CDKN2B-AS1: variants seen among roughly 807,000 people sequenced by gnomAD.
CDKN2B-AS1 encodes the protein CDKN2B antisense RNA 1 (non-protein coding).
intron 4 of CDKN2B-AS1, among the ~76,000 whole-genome samples, chr9:22,114,058 T>C (rs1825872621): frequency 6.6e-6 from 1 of 152,204 alleles, no homozygotes; most frequent in Admixed American, 6.5e-5. Flanking sequence ...ATATACATGG[T>C]ACCAAAAACA....
At chr9:22,122,858 A>C (rs1014074092) in intron 4 of CDKN2B-AS1, among the ~76,000 whole-genome samples, 5 of 152,124 alleles carry the variant, frequency 3.3e-5, no homozygotes, top group African/African-American at 1.2e-4. Context: ...CTTTTTGCTT[A>C]GGATTGCTTT....
Position 22,048,274 on chromosome 9 carries a change from T to C in CDKN2B-AS1, n.180-832T>C, listed in dbSNP as rs192834981. ...CTAAGGTGGATGCTGGTATGAAATA[T>C]CTCAGCTGGGGCAGGCTCTGAAAGG... is the stretch of plus-strand genomic sequence containing the variant. On this transcript the variant is annotated intron_variant and non_coding_transcript_variant, in intron 2 of 4. Coordinates refer to ENST00000650946, the Ensembl canonical transcript of CDKN2B-AS1. Among the ~76,000 whole-genome samples the C allele has an allele frequency of 2.0e-5, 3 of 152,250 alleles. No homozygotes were observed. The East Asian group carries it at 5.8e-4, about 29-fold the overall frequency.
chr9:22,014,958 C>A (rs981153113), intron 1 of CDKN2B-AS1, among the ~76,000 whole-genome samples: 1 of 152,042 alleles, frequency 6.6e-6, no homozygotes, highest in Non-Finnish European at 1.5e-5. Context: ...TTTATGACTG[C>A]ATAGTATTCC....
intron 4 of CDKN2B-AS1, among the ~76,000 whole-genome samples, chr9:22,081,903 C>A (rs542667957): frequency 1.3e-5 from 2 of 152,152 alleles, no homozygotes; most frequent in African/African-American, 4.8e-5. Context: ...TGTATTTTCC[C>A]AGGAGTTTTT....
At chr9:22,064,819 T>C (rs893789491) in intron 4 of CDKN2B-AS1, among the ~76,000 whole-genome samples, 1 of 152,184 alleles carries the variant, frequency 6.6e-6, no homozygotes, top group Non-Finnish European at 1.5e-5. Context: ...TAACATCTCA[T>C]TTCTAGCCTA....
intron 4 of CDKN2B-AS1, among the ~76,000 whole-genome samples, chr9:22,106,525 C>G (rs186952010): frequency 6.6e-6 from 1 of 152,266 alleles, no homozygotes; most frequent in East Asian, 1.9e-4. Flanking sequence ...CCCAAGTTGT[C>G]TGACTCTTAA....
chr9:22,102,931 T>C (rs1397397461), intron 4 of CDKN2B-AS1, among the ~76,000 whole-genome samples: 1 of 152,102 alleles, frequency 6.6e-6, no homozygotes, highest in African/African-American at 2.4e-5. Context: ...GATTATAGAC[T>C]ATTAAGGTGG....
intron 4 of CDKN2B-AS1, among the ~76,000 whole-genome samples, chr9:22,062,886 G>T (rs1222467769): frequency 1.3e-5 from 2 of 151,862 alleles, no homozygotes; most frequent in Non-Finnish European, 2.9e-5. Context: ...AGGGGGCAAA[G>T]TTGACTACCT....
intron 4 of CDKN2B-AS1, among the ~76,000 whole-genome samples, chr9:22,109,155 A>G (rs1471091856): frequency 3.3e-5 from 5 of 152,214 alleles, no homozygotes; most frequent in African/African-American, 7.2e-5. Context: ...AAGGAATGAA[A>G]GTGTTTTGCA....
chr9:22,087,566 T>G (rs1476393666), intron 4 of CDKN2B-AS1, among the ~76,000 whole-genome samples: 1 of 152,222 alleles, frequency 6.6e-6, no homozygotes, highest in Non-Finnish European at 1.5e-5. Flanking sequence ...TAGTGGAAAT[T>G]TCTATTGCTG....
intron 1 of CDKN2B-AS1, chr9:22,008,557 T>G: frequency 9.3e-7 from 1 of 1,076,920 alleles, no homozygotes. Flanking sequence ...TCCTTGCATC[T>G]CTGATCATGA....
At chr9:22,105,787 T>C (rs1368697428) in intron 4 of CDKN2B-AS1, among the ~76,000 whole-genome samples, 1 of 152,202 alleles carries the variant, frequency 6.6e-6, no homozygotes, top group East Asian at 1.9e-4. Context: ...GAAAATCAAG[T>C]GTGATAAAGA....
In CDKN2B-AS1 at chr9:22,105,948, T is replaced by C. The variant is rs72652497; in HGVS notation, n.439-21155T>C. ...GTCAGTCTGGGAGACTCCAGCTCTG[T>C]CGCCCAGGCCGGAGTGCAATGGCAC... On this transcript the variant is annotated intron_variant and non_coding_transcript_variant, in intron 4 of 4. Coordinates refer to ENST00000650946, the Ensembl canonical transcript of CDKN2B-AS1. Among the ~76,000 whole-genome samples the C allele has an allele frequency of 2.6e-3, 390 of 152,356 alleles. 1 individual carries two copies. The highest frequency in any genetic ancestry group is 4.3e-3 in the Non-Finnish European group (294 of 68,032).
chr9:22,099,449 T>G (rs73438868), intron 4 of CDKN2B-AS1, among the ~76,000 whole-genome samples: 1,854 of 152,282 alleles, frequency 0.012, 40 homozygotes, highest in African/African-American at 0.043. Context: ...AGAAACTGTT[T>G]GGGAGACTGT....
At chr9:22,030,949 T>C (rs1303493036) in intron 1 of CDKN2B-AS1, 1 of 152,116 alleles carries the variant, frequency 6.6e-6, no homozygotes, top group Non-Finnish European at 1.5e-5. Context: ...TTTCACCAGG[T>C]GTAGTTAGGT....
intron 1 of CDKN2B-AS1, among the ~76,000 whole-genome samples, chr9:22,020,629 A>C (rs1009610712): frequency 1.3e-5 from 2 of 152,198 alleles, no homozygotes; most frequent in Non-Finnish European, 2.9e-5. Context: ...TCTAATGATC[A>C]GTGATGTTGA....
chr9:21,995,256 C>T lies in CDKN2B-AS1; in HGVS notation n.29+95C>T, dbSNP rs1182038674. ...GCCGAGGGCGCCTGGCTGGGACAAGCACCGAGTCCTTTGTGTCTAGCCCAT... is the reference window on the plus strand; with the variant it reads ...GCCGAGGGCGCCTGGCTGGGACAAGTACCGAGTCCTTTGTGTCTAGCCCAT... On this transcript the variant is annotated intron_variant and non_coding_transcript_variant, in intron 1 of 4. Transcript: ENST00000650946. The surrounding 1 kb of genome is among the most constrained non-coding windows in gnomAD (Gnocchi z 5.7). 6.6e-6 allele frequency: 1 copy of T among 152,284 alleles called. No individual in the cohort carries two copies. Among genetic ancestry groups the T allele is most frequent in the African/African-American group, 2.4e-5 (1 of 41,466 alleles). 9.4% of individuals were successfully genotyped at this position (152,284 alleles called of 1,614,324 possible).
intron 4 of CDKN2B-AS1, among the ~76,000 whole-genome samples, chr9:22,063,486 T>A (rs955713497): frequency 3.9e-5 from 6 of 151,912 alleles, no homozygotes; most frequent in Non-Finnish European, 5.9e-5. Context: ...ATTGAAGAGA[T>A]TAATTGAGGA....
Position 21,999,451 on chromosome 9 carries a change from C to G in CDKN2B-AS1, n.29+4290C>G, listed in dbSNP as rs969778330. ...ATATCTTTATATACACATATGTACA[C>G]ACATATCTGTAAGTATGGGAAGATG... On this transcript the variant is annotated intron_variant and non_coding_transcript_variant, in intron 1 of 4. Transcript: ENST00000650946. This position sits in a 1 kb window ranked among gnomAD's most constrained non-coding sequence, Gnocchi z 4.7. 1.3e-5 allele frequency among the ~76,000 whole-genome samples: 2 copies of G among 151,676 alleles called. No individual in the cohort carries two copies. The highest frequency in any genetic ancestry group is 4.2e-4 in the South Asian group (2 of 4,810).
Sources: allele counts gnomAD v4.1 joint callset (sites outside exome capture counted in the v4.1 genomes callset), GRCh38; gene constraint gnomAD v4.1.1; non-coding constraint Gnocchi (gnomAD v3.1); transcripts MANE v1.5; gene names NCBI Gene and HGNC (gene_info 2026-07-23, HGNC 2026-07-21).